The following SRBD1 variants were observed in gnomAD, a reference collection of about 807,000 sequenced individuals.
SRBD1 encodes the protein S1 RNA-binding domain-containing protein 1.
In SRBD1, 88 loss-of-function variants were observed where a neutral mutation model predicts 115.3. That is an observed-to-expected ratio of 0.76 (90% CI 0.64 to 0.91). The LOEUF (loss-of-function observed/expected upper bound fraction) is 0.91. Among genes scored for constraint, SRBD1 ranks in the 40% least tolerant of loss-of-function variants. SRBD1 has a pLI of 0.00. For missense variants in SRBD1, 1,385 were observed against 1,177.4 expected, an observed-to-expected ratio of 1.18 and a Z score of -2.58; for synonymous variants, 509 against 407.7, an observed-to-expected ratio of 1.25 and a Z score of -2.99.
intron 14 of SRBD1, among the ~76,000 whole-genome samples, chr2:45,524,874 T>C (rs1671394460): frequency 6.6e-6 from 1 of 152,000 alleles, no homozygotes; most frequent in African/African-American, 2.4e-5. Flanking sequence ...GACTCATATT[T>C]TCCAATTTCA....
chr2:45,592,230 G>C (rs774883667), intron 4 of SRBD1, among the ~76,000 whole-genome samples: 1 of 152,010 alleles, frequency 6.6e-6, no homozygotes, highest in Non-Finnish European at 1.5e-5. Flanking sequence ...CCCAGTCTTG[G>C]GTATGTCTTT....
At chr2:45,534,528 C>G (rs973763492) in intron 14 of SRBD1, among the ~76,000 whole-genome samples, 16 of 151,856 alleles carry the variant, frequency 1.1e-4, no homozygotes, top group African/African-American at 3.6e-4. Flanking sequence ...TGTCATTAGG[C>G]ATGATAATCT....
At chr2:45,586,393 C>A (rs1673523289) in intron 4 of SRBD1, among the ~76,000 whole-genome samples, 1 of 152,048 alleles carries the variant, frequency 6.6e-6, no homozygotes, top group African/African-American at 2.4e-5. Context: ...GAATCTGAGG[C>A]AGCTCTATAT....
chr2:45,545,467 T>C (rs1365533587), intron 14 of SRBD1, among the ~76,000 whole-genome samples: 3 of 152,088 alleles, frequency 2.0e-5, no homozygotes, highest in African/African-American at 7.2e-5. Context: ...GATTTGAAAG[T>C]TGTACTTATA....
intron 14 of SRBD1, among the ~76,000 whole-genome samples, chr2:45,510,027 G>A (rs1670919279): frequency 6.6e-6 from 1 of 152,164 alleles, no homozygotes; most frequent in South Asian, 2.1e-4. Flanking sequence ...GAGCCACCAT[G>A]CCCAGCTAGA....
Position 45,388,787 on chromosome 2 carries a change from G to T in SRBD1, c.*523C>A, listed in dbSNP as rs920795143. 6 of 153,502 alleles carry T rather than the reference G, an allele frequency of 3.9e-5. No homozygotes were observed. The highest frequency in any genetic ancestry group is 3.2e-4 in the Admixed American group (5 of 15,506). The allele number at this position is 153,502 out of a possible 1,614,324, so 9.5% of individuals were successfully genotyped here. A position where few individuals can be genotyped will look rare whatever the true frequency, so the allele number is the denominator to read the frequency against. ...AAACACGTCAGAATCTGTTTTACTGGTATATTTTTGGCTTGCATGACAAGG... is the reference window on the plus strand; with the variant it reads ...AAACACGTCAGAATCTGTTTTACTGTTATATTTTTGGCTTGCATGACAAGG... On this transcript the variant is annotated 3_prime_UTR_variant, in exon 21 of 21. Transcript: ENST00000263736.
chr2:45,423,316 T>C (rs554071302), intron 16 of SRBD1, among the ~76,000 whole-genome samples: 2 of 152,196 alleles, frequency 1.3e-5, no homozygotes, highest in East Asian at 1.9e-4. Flanking sequence ...AGGTTAGATA[T>C]GCAAGGCAAG....
chr2:45,468,345 A>G (rs1465316153), intron 16 of SRBD1, among the ~76,000 whole-genome samples: 1 of 150,580 alleles, frequency 6.6e-6, no homozygotes, highest in Admixed American at 6.6e-5. Context: ...TGATGAGCAC[A>G]GTATTTCCAA....
At position 45,581,830 on chromosome 2, in the gene SRBD1, T is replaced by C. The variant is rs760327241; in HGVS notation, c.816-20A>G. Reference sequence around the variant, plus strand: ...ACAGCCCTGAAAAGAGAAACTTTTGTAATATACCAAAACTGTATGTCAAAA... The same window carrying C: ...ACAGCCCTGAAAAGAGAAACTTTTGCAATATACCAAAACTGTATGTCAAAA... On this transcript the variant is annotated intron_variant, in intron 5 of 20. Transcript: ENST00000263736. 11 of 1,563,920 alleles carry C rather than the reference T, an allele frequency of 7.0e-6. No homozygotes were observed. The highest frequency in any genetic ancestry group is 1.4e-5 in the African/African-American group (1 of 72,472).
At chr2:45,484,049 T>A (rs1014931847) in intron 15 of SRBD1, among the ~76,000 whole-genome samples, 1 of 152,104 alleles carries the variant, frequency 6.6e-6, no homozygotes, top group African/African-American at 2.4e-5. Context: ...ATTTTTTTTT[T>A]ATTTCTCTGA....
At chr2:45,542,253 G>A (rs73927531) in intron 14 of SRBD1, among the ~76,000 whole-genome samples, 3 of 152,380 alleles carry the variant, frequency 2.0e-5, no homozygotes, top group Middle Eastern at 3.4e-3. Flanking sequence ...TCGCAACAGT[G>A]CCTAGGCTCG....
intron 12 of SRBD1, among the ~76,000 whole-genome samples, chr2:45,549,776 T>C (rs1027653238): frequency 3.6e-4 from 54 of 149,708 alleles, no homozygotes; most frequent in African/African-American, 1.3e-3. Flanking sequence ...GGTGGGAGGA[T>C]AGTTTGAGCA....
At chr2:45,472,612 A>G (rs1464492012) in intron 16 of SRBD1, among the ~76,000 whole-genome samples, 1 of 152,212 alleles carries the variant, frequency 6.6e-6, no homozygotes, top group Non-Finnish European at 1.5e-5. Context: ...TGTTCTGAGT[A>G]GCTGAGGCCA....
At chr2:45,524,850 A>G (rs72616995) in intron 14 of SRBD1, among the ~76,000 whole-genome samples, 6,216 of 152,174 alleles carry the variant, frequency 0.041, 228 homozygotes, top group East Asian at 0.13. Flanking sequence ...AATCTGAGAA[A>G]AAACAAAGTA....
At chr2:45,489,294 C>T (rs778858139) in intron 14 of SRBD1, among the ~76,000 whole-genome samples, 9 of 152,204 alleles carry the variant, frequency 5.9e-5, no homozygotes, top group Non-Finnish European at 8.8e-5. Flanking sequence ...AGCAACCTCT[C>T]CCTTTCTCTG....
chr2:45,457,040 T>A (rs75696778), intron 16 of SRBD1, among the ~76,000 whole-genome samples: 2,718 of 152,058 alleles, frequency 0.018, 40 homozygotes, highest in Middle Eastern at 0.051. Context: ...AGACCTGTAT[T>A]TTTAATGGCT....
chr2:45,550,794 T>C (rs1456693346), intron 12 of SRBD1, among the ~76,000 whole-genome samples: 1 of 152,162 alleles, frequency 6.6e-6, no homozygotes, highest in Non-Finnish European at 1.5e-5. Context: ...ATTTAAAATA[T>C]AAGCAGAATT....
At chr2:45,501,986 GCCT>G (rs750446148) in intron 14 of SRBD1, among the ~76,000 whole-genome samples, 2 of 152,176 alleles carry the variant, frequency 1.3e-5, no homozygotes, top group Non-Finnish European at 2.9e-5. Context: ...CGGACAGACT[GCCT>G]CCTCAAGTGG....
In SRBD1 at chr2:45,562,713, A is replaced by G. The variant is rs148626933; in HGVS notation, c.1349T>C (p.Val450Ala). 134 of 1,612,342 alleles carry G rather than the reference A, an allele frequency of 8.3e-5. 1 individual carries two copies. Among genetic ancestry groups the G allele is most frequent in the Non-Finnish European group, 1.1e-4 (129 of 1,179,644 alleles). ...NRGENLKVLT[V>A]KVNISDGVKD... ...CACTCCATCAGAAATATTGACCTTA[A>G]CCGTCAGTACCTTCAAATTTTCTCC... is the stretch of plus-strand genomic sequence containing the variant. Residue 450 changes from valine (V) to alanine (A), a missense_variant, in exon 10 of 21, where the codon GTT becomes GCT. Transcript: ENST00000263736.
Sources: gnomAD v4.1 joint callset for allele counts (sites outside exome capture counted in the v4.1 genomes callset) on GRCh38, gnomAD v4.1.1 for gene constraint, MANE v1.5 for transcripts, NCBI Gene and HGNC (gene_info 2026-07-23, HGNC 2026-07-21) for gene names.